The following PRKAR1B variants were observed in gnomAD, a reference collection of about 807,000 sequenced individuals.
PRKAR1B encodes protein kinase cAMP-dependent type I regulatory subunit beta, also known as cAMP-dependent protein kinase type I-beta regulatory subunit.
Under a neutral mutation model 46.5 loss-of-function variants are expected in PRKAR1B, and 22 were observed. The observed-to-expected ratio is 0.47, with a 90% confidence interval of 0.34 to 0.68. PRKAR1B has a LOEUF of 0.68. PRKAR1B is among the 30% of genes least tolerant of loss of function. The probability of loss-of-function intolerance (pLI) is 0.01; values close to 1 mark genes in which losing one functional copy is unlikely to be tolerated. For synonymous variants in PRKAR1B, 259 were observed against 217.7 expected, an observed-to-expected ratio of 1.19 and a Z score of -1.67; for missense variants, 445 against 535.6, an observed-to-expected ratio of 0.83 and a Z score of 1.67.
chr7:615,372 C>T (rs1158272470), intron 4 of PRKAR1B, among the ~76,000 whole-genome samples: 2 of 151,348 alleles, frequency 1.3e-5, no homozygotes, highest in African/African-American at 2.4e-5. Flanking sequence ...TTGCAGTGAG[C>T]GGAGATCGCG....
At chr7:606,589 G>A (rs1015213666) in intron 5 of PRKAR1B, among the ~76,000 whole-genome samples, 2 of 152,008 alleles carry the variant, frequency 1.3e-5, no homozygotes, top group African/African-American at 4.8e-5. Context: ...GGGATTACAG[G>A]CACCTGCCAC....
At chr7:655,766 C>A (rs1785156008) in intron 4 of PRKAR1B, among the ~76,000 whole-genome samples, 1 of 152,086 alleles carries the variant, frequency 6.6e-6, no homozygotes, top group African/African-American at 2.4e-5. Context: ...TAGTGGAGCA[C>A]CTCCAACTGC....
chr7:623,775 A>C (rs987307509), intron 4 of PRKAR1B, among the ~76,000 whole-genome samples: 1 of 152,234 alleles, frequency 6.6e-6, no homozygotes, highest in Non-Finnish European at 1.5e-5. Flanking sequence ...GAAGTCTTCC[A>C]TGCCATGCTT....
Position 644,563 on chromosome 7 carries a change from G to A in PRKAR1B, c.440+32666C>T, listed in dbSNP as rs1228522022. On this transcript the variant is annotated intron_variant, in intron 4 of 10. Coordinates refer to ENST00000537384, the MANE Select transcript of PRKAR1B (RefSeq NM_001164760.2). The surrounding 1 kb of genome is among the most constrained non-coding windows in gnomAD (Gnocchi z 4.9). ...GCTGCCAGGGAGCCCTCCCAGCACT[G>A]AGGGGGCACCAGTCTGGCCATGCGA... 6.6e-6 allele frequency among the ~76,000 whole-genome samples: 1 copy of A among 152,164 alleles called. No individual in the cohort carries two copies. The highest frequency in any genetic ancestry group is 1.5e-5 in the Non-Finnish European group (1 of 68,010).
chr7:651,660 C>T (rs1339189203), intron 4 of PRKAR1B, among the ~76,000 whole-genome samples: 7 of 151,830 alleles, frequency 4.6e-5, no homozygotes, highest in Admixed American at 3.9e-4. Flanking sequence ...TGGGGAAACC[C>T]CTCTCGGAAC....
intron 7 of PRKAR1B, among the ~76,000 whole-genome samples, chr7:589,940 C>T (rs370198622): frequency 1.2e-4 from 18 of 152,246 alleles, no homozygotes; most frequent in Admixed American, 2.6e-4. Context: ...ACCAAGCCCA[C>T]GGCCCTGTGA....
chr7:671,034 A>G (rs1207055693), intron 4 of PRKAR1B, among the ~76,000 whole-genome samples: 1 of 152,196 alleles, frequency 6.6e-6, no homozygotes, highest in East Asian at 1.9e-4. Context: ...AGATGGGGAC[A>G]CAGATTTCGC....
chr7:579,445 G>C (rs990348874), intron 8 of PRKAR1B, 68 bp from the exon 9 acceptor site: 50 of 1,591,140 alleles, frequency 3.1e-5, no homozygotes, highest in Non-Finnish European at 3.6e-5. Context: ...CCAAGACAAG[G>C]GCCACCGCTC....
chr7:691,626 A>G, intron 2 of PRKAR1B: 1 of 1,303,240 alleles, frequency 7.7e-7, no homozygotes, highest in East Asian at 5.5e-5. Flanking sequence ...CCGTGTGCTG[A>G]ATGGCATGTG....
At chr7:722,914 T>G (rs1270545399) in intron 1 of PRKAR1B, among the ~76,000 whole-genome samples, 1 of 151,196 alleles carries the variant, frequency 6.6e-6, no homozygotes, top group East Asian at 1.9e-4. Flanking sequence ...CCTGTTTTTG[T>G]GGTCTGTCAT....
chr7:683,059 T>C (rs527438933), intron 2 of PRKAR1B, among the ~76,000 whole-genome samples: 4 of 152,274 alleles, frequency 2.6e-5, no homozygotes, highest in African/African-American at 7.2e-5. Flanking sequence ...GGGCCTTGCG[T>C]CATGGACCAG....
At chr7:726,177 C>G (rs1781262180) in intron 1 of PRKAR1B, among the ~76,000 whole-genome samples, 1 of 152,224 alleles carries the variant, frequency 6.6e-6, no homozygotes, top group South Asian at 2.1e-4. Context: ...GCGAGTAAGG[C>G]GAACCTATTG....
At position 680,703 on chromosome 7, in the gene PRKAR1B, C is replaced by G. The variant is rs147480983; in HGVS notation, c.201G>C (p.Ala67=). 1.9e-6 allele frequency: 3 copies of G among 1,613,804 alleles called. No individual in the cohort carries two copies. Among genetic ancestry groups the G allele is most frequent in the Non-Finnish European group, 2.5e-6 (3 of 1,180,000 alleles). The change falls in exon 3 of 11, where the codon GCG becomes GCC. Residue 67 remains alanine, a synonymous_variant. Coordinates refer to ENST00000537384, the MANE Select transcript of PRKAR1B (RefSeq NM_001164760.2). Reference sequence around the variant, plus strand: ...CCGACTGTGAGTTTGACTTTTGCCGCGCCAAAATCTGCCTGTTTTCTTCCT... The same window carrying G: ...CCGACTGTGAGTTTGACTTTTGCCGGGCCAAAATCTGCCTGTTTTCTTCCT... ...LEKEENRQIL[A]RQKSNSQSDS... is the part of the protein sequence containing the mutation.
At chr7:604,574 G>C (rs1362819206) in intron 6 of PRKAR1B, among the ~76,000 whole-genome samples, 1 of 152,222 alleles carries the variant, frequency 6.6e-6, no homozygotes, top group Non-Finnish European at 1.5e-5. Context: ...CGAGGCACGT[G>C]CCCCCCACGG....
chr7:678,780 C>A (rs1450294857), intron 3 of PRKAR1B, among the ~76,000 whole-genome samples: 2 of 152,230 alleles, frequency 1.3e-5, no homozygotes. Flanking sequence ...CCAGTTCTAA[C>A]AGACTTTTAA....
chr7:662,766 CCCACAGCAGAG>C (rs1276761685), intron 4 of PRKAR1B, among the ~76,000 whole-genome samples: 1 of 152,206 alleles, frequency 6.6e-6, no homozygotes, highest in Admixed American at 6.5e-5. Flanking sequence ...CCCACGGGCA[CCCACAGCAGAG>C]TCTGAGCAAG....
chr7:551,490 G>C lies in PRKAR1B; in HGVS notation c.892-20C>G, dbSNP rs1161953630. 4 of 1,549,800 alleles carry C rather than the reference G, an allele frequency of 2.6e-6. No homozygotes were observed. The highest frequency in any genetic ancestry group is 1.4e-5 in the African/African-American group (1 of 73,172). Reference sequence around the variant, plus strand: ...GGTGCCCTGTGGGTGGAGGTGGACAGACGTGAGTGCCAGCCAGGCGGGTGC... The same window carrying C: ...GGTGCCCTGTGGGTGGAGGTGGACACACGTGAGTGCCAGCCAGGCGGGTGC... On this transcript the variant is annotated intron_variant, in intron 9 of 10. Coordinates refer to ENST00000537384, the MANE Select transcript of PRKAR1B (RefSeq NM_001164760.2).
At chr7:675,506 A>T (rs1445122267) in intron 4 of PRKAR1B, among the ~76,000 whole-genome samples, 1 of 152,250 alleles carries the variant, frequency 6.6e-6, no homozygotes, top group East Asian at 1.9e-4. Flanking sequence ...GTAATAAAGA[A>T]TTATAATTTG....
chr7:654,561 TCAC>T (rs894128163), intron 4 of PRKAR1B, among the ~76,000 whole-genome samples: 3 of 150,954 alleles, frequency 2.0e-5, no homozygotes, highest in African/African-American at 7.3e-5. Flanking sequence ...ATCACCATCA[TCAC>T]CATTTACATC....
Sources: gnomAD v4.1 joint callset for allele counts (sites outside exome capture counted in the v4.1 genomes callset) on GRCh38, gnomAD v4.1.1 for gene constraint, Gnocchi (gnomAD v3.1) non-coding constraint, MANE v1.5 for transcripts, NCBI Gene and HGNC (gene_info 2026-07-23, HGNC 2026-07-21) for gene names.